Variants in PPP1R18 observed in about 807,000 individuals in gnomAD.
PPP1R18 encodes the protein protein phosphatase 1 regulatory subunit 18, also known as phostensin.
Under a neutral mutation model 54.8 loss-of-function variants are expected in PPP1R18, and 31 were observed. The observed-to-expected ratio is 0.57, with a 90% CI of 0.43 to 0.76. PPP1R18 has a LOEUF of 0.76. PPP1R18 is among the 30% of genes least tolerant of loss of function. The probability of loss-of-function intolerance (pLI) is 0.00; values close to 1 mark genes in which losing one functional copy is unlikely to be tolerated. For synonymous variants in PPP1R18, 310 were observed against 320.2 expected (o/e 0.97, Z 0.34); for missense variants, 685 against 776.1 (o/e 0.88, Z 1.39).
chr6:30,682,242 A>G (rs919673349), intron 1 of PPP1R18, among the ~76,000 whole-genome samples: 4 of 151,502 alleles, frequency 2.6e-5, no homozygotes, highest in African/African-American at 7.3e-5. Flanking sequence ...GGGGGTAGAG[A>G]GGGGGTGACT....
Position 30,684,452 on chromosome 6 carries a change from G to A in PPP1R18, c.1567C>T (p.Arg523Cys), listed in dbSNP as rs919752695. 5 of 1,599,652 alleles carry A rather than the reference G, an allele frequency of 3.1e-6. No individual in the cohort carries two copies. The highest frequency in any genetic ancestry group is 2.6e-6 in the Non-Finnish European group (3 of 1,171,918). ...LVLGGYLRLS[R>C]SCLAKGSPER... Reference sequence around the variant, plus strand: ...GGGGACCCCTTGGCAAGGCAGCTGCGGCTGAGACGGAGGTAGCCCCCCAGA... The same window carrying A: ...GGGGACCCCTTGGCAAGGCAGCTGCAGCTGAGACGGAGGTAGCCCCCCAGA... The change falls in exon 1 of 3, where the codon CGC (arginine) becomes TGC (cysteine). Residue 523 changes from arginine to cysteine, a missense_variant. Arg to Cys is a radical substitution (Grantham distance 180). Transcript: ENST00000274853. This position sits in a 1 kb window ranked among gnomAD's most constrained non-coding sequence, Gnocchi z 6.0.
chr6:30,678,485 C>G (rs7767019), intron 2 of PPP1R18, among the ~76,000 whole-genome samples: 1 of 151,946 alleles, frequency 6.6e-6, no homozygotes, highest in Non-Finnish European at 1.5e-5. Flanking sequence ...ACGCCATTCT[C>G]CTGCCTCAGC....
At chr6:30,682,155 C>A (rs371569541) in intron 1 of PPP1R18, among the ~76,000 whole-genome samples, 367 of 152,210 alleles carry the variant, frequency 2.4e-3, no homozygotes, top group African/African-American at 8.4e-3. Flanking sequence ...TATCTCCCCC[C>A]CTACCCTGCC....
intron 1 of PPP1R18, among the ~76,000 whole-genome samples, chr6:30,682,642 T>C (rs1284466768): frequency 1.3e-5 from 2 of 151,332 alleles, no homozygotes; most frequent in South Asian, 2.1e-4. Flanking sequence ...GCTTCCTTAT[T>C]CTCTCACCAC....
rs1257893334 is a variant in PPP1R18, at chr6:30,683,245, T to C, written c.1611+1163A>G. Among the ~76,000 whole-genome samples, 4 of 152,188 alleles carry C rather than the reference T, an allele frequency of 2.6e-5. No homozygotes were observed. Among genetic ancestry groups the C allele is most frequent in the East Asian group, 1.9e-4 (1 of 5,198 alleles). On this transcript the variant is annotated intron_variant, in intron 1 of 2. Transcript: ENST00000274853. This position sits in a 1 kb window ranked among gnomAD's most constrained non-coding sequence, Gnocchi z 5.1. ...GCTTCCCAGGCTCTGGGGAGATGTG[T>C]GTGACTGGAGGGACTTCCTAAGTCT... is the stretch of plus-strand genomic sequence containing the variant.
chr6:30,679,973 C>G (rs923189079), intron 1 of PPP1R18, among the ~76,000 whole-genome samples: 11 of 152,120 alleles, frequency 7.2e-5, no homozygotes, highest in Non-Finnish European at 1.6e-4. Context: ...CTCCTCATTC[C>G]TCTCCTATCC....
In PPP1R18 at chr6:30,684,451, C is replaced by T. The variant is rs1302918198; in HGVS notation, c.1568G>A (p.Arg523His). 5.0e-6 allele frequency: 8 copies of T among 1,598,288 alleles called. No homozygotes were observed. Among genetic ancestry groups the T allele is most frequent in the Admixed American group, 1.7e-5 (1 of 58,326 alleles). ...GGGGGACCCCTTGGCAAGGCAGCTG[C>T]GGCTGAGACGGAGGTAGCCCCCCAG... ...LVLGGYLRLSRSCLAKGSPER... is the reference protein window; with the variant it reads ...LVLGGYLRLSHSCLAKGSPER... The change falls in exon 1 of 3, where the codon CGC (arginine) becomes CAC (histidine). Residue 523 changes from arginine (R) to histidine (H), a missense_variant. Coordinates refer to ENST00000274853, the MANE Select transcript of PPP1R18 (RefSeq NM_133471.4). The surrounding 1 kb of genome is among the most constrained non-coding windows in gnomAD (Gnocchi z 6.0).
Position 30,684,974 on chromosome 6 carries a change from T to C in PPP1R18, c.1045A>G (p.Ile349Val). The C allele has an allele frequency of 6.2e-7, 1 of 1,613,128 alleles. No homozygotes were observed. Among genetic ancestry groups the C allele is most frequent in the Non-Finnish European group, 8.5e-7 (1 of 1,179,966 alleles). The stretch of plus-strand genomic sequence containing the variant: ...TCTGGTTTCTGAGTTTGAGCCTCTA[T>C]GTCCCTGGGTGTCCATTCTCGAGCC... ...GKAREWTPRD[I>V]EAQTQKPEPP... is the part of the protein sequence containing the mutation. The change falls in exon 1 of 3, where the codon ATA becomes GTA. Residue 349 changes from isoleucine to valine, a missense_variant. Coordinates refer to ENST00000274853, the MANE Select transcript of PPP1R18 (RefSeq NM_133471.4). The surrounding 1 kb of genome is among the most constrained non-coding windows in gnomAD (Gnocchi z 6.0).
chr6:30,677,346 AC>A, intron 2 of PPP1R18, 58 bp from the exon 3 acceptor site: 3 of 1,330,316 alleles, frequency 2.3e-6, no homozygotes, highest in Non-Finnish European at 3.0e-6. Flanking sequence ...CCTTCTGCCC[AC>A]CCTTCCCCCC....
Position 30,684,692 on chromosome 6 carries a change from G to T in PPP1R18, c.1327C>A (p.Pro443Thr). 1 of 1,482,104 alleles carries T rather than the reference G, an allele frequency of 6.7e-7. No homozygotes were observed. Among genetic ancestry groups the T allele is most frequent in the Non-Finnish European group, 9.0e-7 (1 of 1,111,124 alleles). The allele number at this position is 1,482,104 out of a possible 1,614,324, so 91.8% of individuals were successfully genotyped here. ...CGGCTCATGAGGGGATCCCCAGGAG[G>T]TTGGGGGGCAGTTGGGGCTGGGGGT... ...PPPPAPTAPQ[P>T]PGDPLMSRLF... The change falls in exon 1 of 3, where the codon CCT becomes ACT. Residue 443 changes from proline (P) to threonine (T), a missense_variant. Coordinates refer to ENST00000274853, the MANE Select transcript of PPP1R18 (RefSeq NM_133471.4). The surrounding 1 kb of genome is among the most constrained non-coding windows in gnomAD (Gnocchi z 6.0).
rs1554174545 is a variant in PPP1R18, at chr6:30,685,726, T to TGCTGCC, written c.292_293insGGCAGC (p.Gln97_Gln98insArgGln). On this transcript the variant is annotated inframe_insertion, in exon 1 of 3. Transcript: ENST00000274853. The surrounding 1 kb of genome is among the most constrained non-coding windows in gnomAD (Gnocchi z 5.0). Reference sequence around the variant, plus strand: ...TTCACTCCGTTGTTGTTGCTGCTGCTGCTGCTGCCGCTCCTGCCGGATGAA... The same window carrying TGCTGCC: ...TTCACTCCGTTGTTGTTGCTGCTGCTGCTGCCGCTGCTGCCGCTCCTGCCGGATGAA... 1.4e-5 allele frequency: 22 copies of TGCTGCC among 1,612,532 alleles called. No individual in the cohort carries two copies. The highest frequency in any genetic ancestry group is 1.7e-5 in the Non-Finnish European group (20 of 1,179,870).
Position 30,684,700 on chromosome 6 carries a change from G to A in PPP1R18, c.1319C>T (p.Ala440Val), listed in dbSNP as rs755572859. 3.1e-5 allele frequency: 46 copies of A among 1,476,640 alleles called. No individual in the cohort carries two copies. The highest frequency in any genetic ancestry group is 3.9e-5 in the Non-Finnish European group (43 of 1,106,562). 91.5% of individuals were successfully genotyped at this position (1,476,640 alleles called of 1,614,324 possible). The stretch of plus-strand genomic sequence containing the variant: ...GAGGGGATCCCCAGGAGGTTGGGGG[G>A]CAGTTGGGGCTGGGGGTGGGGGAGA... ...PLSPPPPAPTAPQPPGDPLMS... is the reference protein window; with the variant it reads ...PLSPPPPAPTVPQPPGDPLMS... Residue 440 changes from alanine to valine, a missense_variant, in exon 1 of 3, where the codon GCC (alanine) becomes GTC (valine). Physicochemically the swap from Ala to Val is moderately conservative, Grantham distance 64. Transcript: ENST00000274853. This position sits in a 1 kb window ranked among gnomAD's most constrained non-coding sequence, Gnocchi z 6.0.
rs1265811805 is a variant in PPP1R18 at position 30,684,133 on chromosome 6, G to A, written c.1611+275C>T. On this transcript the variant is annotated intron_variant, in intron 1 of 2. Coordinates refer to ENST00000274853, the MANE Select transcript of PPP1R18 (RefSeq NM_133471.4). The surrounding 1 kb of genome is among the most constrained non-coding windows in gnomAD (Gnocchi z 6.0). ...AAGAAAAGGGGGTTGGAAACTCAGA[G>A]CCCAAGGGAAGGGAGAATGAGCAGC... Among the ~76,000 whole-genome samples, 1 of 152,142 alleles carries A rather than the reference G, an allele frequency of 6.6e-6. No homozygotes were observed. The highest frequency in any genetic ancestry group is 2.4e-5 in the African/African-American group (1 of 41,436).
At position 30,685,171 on chromosome 6, in the gene PPP1R18, G is replaced by A; in HGVS notation, c.848C>T (p.Pro283Leu). Residue 283 changes from proline (P) to leucine (L), a missense_variant, in exon 1 of 3, where the codon CCA (proline) becomes CTA (leucine). Pro to Leu is a moderately conservative substitution (Grantham distance 98). Coordinates refer to ENST00000274853, the MANE Select transcript of PPP1R18 (RefSeq NM_133471.4). The surrounding 1 kb of genome is among the most constrained non-coding windows in gnomAD (Gnocchi z 5.0). ...SEECGRKEEWPVPGVAPKETA... is the reference protein window; with the variant it reads ...SEECGRKEEWLVPGVAPKETA... ...CTCTTTTGGAGCTACCCCTGGAACT[G>A]GCCACTCTTCTTTTCTCCCACATTC... The A allele has an allele frequency of 6.2e-7, 1 of 1,613,054 alleles. No individual in the cohort carries two copies. The highest frequency in any genetic ancestry group is 8.5e-7 in the Non-Finnish European group (1 of 1,180,036).
At chr6:30,688,171 G>A, upstream of PPP1R18, 1 of 163,862 alleles carries the variant, frequency 6.1e-6, no homozygotes, top group Non-Finnish European at 1.3e-5. This position sits in a 1 kb window ranked among gnomAD's most constrained non-coding sequence, Gnocchi z 5.9. Flanking sequence ...GAGCCCAGAG[G>A]CAGGGCCTAA....
chr6:30,684,607 G>C lies in PPP1R18; in HGVS notation c.1412C>G (p.Thr471Ser). ...GVGAPRRSGH[T>S]FTVNPRRSVP... is the part of the protein sequence containing the mutation. ...AGACCGCCGGGGGTTGACGGTGAAG[G>C]TGTGTCCACTGCGGCGGGGGGCCCC... Residue 471 changes from threonine (T) to serine (S), a missense_variant, in exon 1 of 3, where the codon ACC becomes AGC. Physicochemically the swap from Thr to Ser is moderately conservative, Grantham distance 58. Transcript: ENST00000274853. The surrounding 1 kb of genome is among the most constrained non-coding windows in gnomAD (Gnocchi z 6.0). 1 of 1,584,490 alleles carries C rather than the reference G, an allele frequency of 6.3e-7. No individual in the cohort carries two copies. The highest frequency in any genetic ancestry group is 8.6e-7 in the Non-Finnish European group (1 of 1,164,970).
chr6:30,680,369 C>CA (rs1328911815), intron 1 of PPP1R18, among the ~76,000 whole-genome samples: 1 of 152,136 alleles, frequency 6.6e-6, no homozygotes, highest in Non-Finnish European at 1.5e-5. Context: ...AGGAGGATTC[C>CA]ATATGAACTA....
In PPP1R18 at chr6:30,686,015, C is replaced by A; in HGVS notation, c.4G>T (p.Ala2Ser). M[A>S]TIPDWKLQLL... is the part of the protein sequence containing the mutation. ...TGTAGCTTCCAGTCTGGGATGGTGG[C>A]CATGGTCGTCTTGAGGTGAGGGTAG... Residue 2 changes from alanine to serine, a missense_variant, in exon 1 of 3, where the codon GCC becomes TCC. Transcript: ENST00000274853. 6.4e-7 allele frequency: 1 copy of A among 1,562,206 alleles called. No homozygotes were observed.
intron 2 of PPP1R18, among the ~76,000 whole-genome samples, chr6:30,677,620 G>A (rs1334944666): frequency 2.0e-5 from 3 of 152,078 alleles, no homozygotes; most frequent in Non-Finnish European, 1.5e-5. Flanking sequence ...GCTGAGGCAG[G>A]AGGATCACTT....
Sources: allele counts gnomAD v4.1 joint callset (sites outside exome capture counted in the v4.1 genomes callset), GRCh38; gene constraint gnomAD v4.1.1; non-coding constraint Gnocchi (gnomAD v3.1); transcripts MANE v1.5; gene names NCBI Gene and HGNC (gene_info 2026-07-23, HGNC 2026-07-21).